AGFG1: variants seen among roughly 807,000 people sequenced by gnomAD.
AGFG1 encodes ArfGAP with FG repeats 1.
Under a neutral mutation model 60.6 loss-of-function variants are expected in AGFG1, and 10 were observed. The ratio of observed to expected loss-of-function variants is 0.16; its 90% CI spans 0.10 to 0.28. The LOEUF (loss-of-function observed/expected upper bound fraction) is 0.28. AGFG1 is among the 10% of genes least tolerant of loss of function. AGFG1 has a pLI of 1.00. For synonymous variants in AGFG1, 247 were observed against 242.9 expected (o/e 1.02, Z -0.16); for missense variants, 537 against 676.5 (o/e 0.79, Z 2.29).
At position 227,533,652 on chromosome 2, in the gene AGFG1, A is replaced by G. The variant is rs201339829; in HGVS notation, c.918A>G (p.Gln306=). 5 of 1,613,820 alleles carry G rather than the reference A, an allele frequency of 3.1e-6. No individual in the cohort carries two copies. The highest frequency in any genetic ancestry group is 2.2e-5 in the East Asian group (1 of 44,862). ...CCTTCAATACTTCCCAGAGTCATCAAACAGCATCAGCTGTTAGTAAAGTTT... is the reference window on the plus strand; with the variant it reads ...CCTTCAATACTTCCCAGAGTCATCAGACAGCATCAGCTGTTAGTAAAGTTT... ...FGTFNTSQSH[Q]TASAVSKVST... The change falls in exon 7 of 13, where the codon CAA becomes CAG. Residue 306 remains glutamine, a synonymous_variant. Coordinates refer to ENST00000310078, the MANE Select transcript of AGFG1 (RefSeq NM_004504.5).
At chr2:227,521,017 C>G (rs1575093934) in intron 3 of AGFG1, among the ~76,000 whole-genome samples, 1 of 152,154 alleles carries the variant, frequency 6.6e-6, no homozygotes, top group African/African-American at 2.4e-5. Flanking sequence ...CTCTGACTTG[C>G]ATGCTCTATC....
In AGFG1 at chr2:227,554,444, A is replaced by G; in HGVS notation, c.1638A>G (p.Ala546=). The part of the protein sequence containing the change: ...GVSSNPFMTG[A]PTGQFPTGSS... Reference sequence around the variant, plus strand: ...CTTATGTTTTCCTTTAGACTGGTGCACCAACAGGACAATTTCCAACAGGAA... The same window carrying G: ...CTTATGTTTTCCTTTAGACTGGTGCGCCAACAGGACAATTTCCAACAGGAA... Residue 546 remains alanine (A), a synonymous_variant, in exon 13 of 13, where the codon GCA becomes GCG. Coordinates refer to ENST00000310078, the MANE Select transcript of AGFG1 (RefSeq NM_004504.5). The G allele has an allele frequency of 6.2e-7, 1 of 1,613,510 alleles. No individual in the cohort carries two copies. The highest frequency in any genetic ancestry group is 1.1e-5 in the South Asian group (1 of 91,034).
chr2:227,487,536 C>T (rs80252209), intron 1 of AGFG1, among the ~76,000 whole-genome samples: 8 of 152,070 alleles, frequency 5.3e-5, no homozygotes, highest in African/African-American at 1.9e-4. Flanking sequence ...TGAAGTGTTT[C>T]TGATGTTTTC....
Position 227,559,894 on chromosome 2 carries a change from A to G in AGFG1, c.*5399A>G, listed in dbSNP as rs6732630. On this transcript the variant is annotated 3_prime_UTR_variant, in exon 13 of 13. Coordinates refer to ENST00000310078, the MANE Select transcript of AGFG1 (RefSeq NM_004504.5). ...TACAATCAGGTTTTTTAAAGACTTT[A>G]AAGGTTTTTTGTATGCTATAATATA... 1.7e-3 allele frequency: 253 copies of G among 152,260 alleles called. 1 individual carries two copies. The highest frequency in any genetic ancestry group is 6.8e-3 in the Middle Eastern group (2 of 294). 9.4% of individuals were successfully genotyped at this position (152,260 alleles called of 1,614,324 possible).
In AGFG1 at chr2:227,531,163, G is replaced by A. The variant is rs756362069; in HGVS notation, c.767G>A (p.Gly256Glu). 8.1e-6 allele frequency: 13 copies of A among 1,613,670 alleles called. No homozygotes were observed. In the South Asian group the frequency reaches 1.4e-4, roughly 18 times the overall value. Residue 256 changes from glycine (G) to glutamate (E), a missense_variant, in exon 6 of 13, where the codon GGA (glycine) becomes GAA (glutamate). Physicochemically the swap from Gly to Glu is moderately conservative, Grantham distance 98. Transcript: ENST00000310078. ...FGQSSGSSNF[G>E]GFPTASHSPF... ...CAGTCTAGTGGTTCGAGTAATTTTG[G>A]AGGTTTCCCCACAGCAAGTCACTCT...
chr2:227,512,121 T>G (rs1035569118), intron 2 of AGFG1, among the ~76,000 whole-genome samples: 1 of 152,210 alleles, frequency 6.6e-6, no homozygotes, highest in Non-Finnish European at 1.5e-5. Context: ...TGATACTACC[T>G]TACCTGTCCA....
intron 2 of AGFG1, among the ~76,000 whole-genome samples, chr2:227,499,653 A>G (rs1282220232): frequency 6.6e-6 from 1 of 150,830 alleles, no homozygotes; most frequent in Non-Finnish European, 1.5e-5. Context: ...AAAAAAAAAA[A>G]GGAAGAAAAA....
intron 5 of AGFG1, among the ~76,000 whole-genome samples, chr2:227,526,366 C>T (rs966730333): frequency 6.6e-6 from 1 of 151,942 alleles, no homozygotes; most frequent in African/African-American, 2.4e-5. Flanking sequence ...AAATTATATA[C>T]AAATGTAAAA....
chr2:227,504,936 A>G (rs1275066725), intron 2 of AGFG1, among the ~76,000 whole-genome samples: 2 of 152,178 alleles, frequency 1.3e-5, no homozygotes, highest in Non-Finnish European at 2.9e-5. Context: ...ATAAATGACA[A>G]TTATAGCTCT....
intron 5 of AGFG1, 26 bp from the exon 6 acceptor site, chr2:227,531,065 C>A: frequency 6.3e-7 from 1 of 1,589,492 alleles, no homozygotes; most frequent in South Asian, 1.2e-5. Context: ...TATTCATTAA[C>A]ATATGTTGTT....
At chr2:227,487,221 T>G (rs745705988) in intron 1 of AGFG1, among the ~76,000 whole-genome samples, 5 of 152,242 alleles carry the variant, frequency 3.3e-5, no homozygotes, top group African/African-American at 4.8e-5. Context: ...CTACTGCTAG[T>G]CACTTGGACT....
intron 4 of AGFG1, 82 bp from the exon 5 acceptor site, chr2:227,524,680 T>C: frequency 1.4e-6 from 2 of 1,401,094 alleles, no homozygotes; most frequent in Non-Finnish European, 2.0e-6. Context: ...TGTATAAGTG[T>C]GTTTTAAGTT....
chr2:227,505,821 C>T (rs914456522), intron 2 of AGFG1, among the ~76,000 whole-genome samples: 2 of 152,120 alleles, frequency 1.3e-5, no homozygotes, highest in South Asian at 4.1e-4. Context: ...TCAGTGCAAC[C>T]TCCGCCTCCC....
In AGFG1 at chr2:227,488,817, C is replaced by G. The variant is rs563767214; in HGVS notation, c.168-2730C>G. Among the ~76,000 whole-genome samples the G allele has an allele frequency of 5.3e-5, 8 of 151,936 alleles. No homozygotes were observed. The East Asian group carries it at 1.5e-3, about 29-fold the overall frequency. On this transcript the variant is annotated intron_variant, in intron 1 of 12. Transcript: ENST00000310078. ...ATTTTCACTTTTGGAAATTTATTTA[C>G]TTATTTATTTATTTATTTGAGAGTC...
At chr2:227,545,226 A>G (rs1315992980) in intron 10 of AGFG1, among the ~76,000 whole-genome samples, 1 of 151,904 alleles carries the variant, frequency 6.6e-6, no homozygotes, top group African/African-American at 2.4e-5. Flanking sequence ...AGTCACTGGT[A>G]CCCTTTCTTC....
intron 10 of AGFG1, among the ~76,000 whole-genome samples, chr2:227,538,673 A>G (rs1436386692): frequency 6.6e-6 from 1 of 152,236 alleles, no homozygotes; most frequent in African/African-American, 2.4e-5. Flanking sequence ...GTTACAGCAT[A>G]TGCTCAGTAA....
intron 2 of AGFG1, among the ~76,000 whole-genome samples, chr2:227,494,252 G>A (rs1463968179): frequency 1.3e-5 from 2 of 152,152 alleles, no homozygotes; most frequent in Admixed American, 1.3e-4. Flanking sequence ...TCACGTGCAA[G>A]TGTTCTATTA....
At chr2:227,480,895 C>A (rs1690438343) in intron 1 of AGFG1, among the ~76,000 whole-genome samples, 1 of 152,142 alleles carries the variant, frequency 6.6e-6, no homozygotes, top group Admixed American at 6.5e-5. Context: ...ATACTTTACC[C>A]TTGGAACTTT....
intron 10 of AGFG1, among the ~76,000 whole-genome samples, chr2:227,546,803 C>T (rs1392353905): frequency 6.6e-6 from 1 of 152,122 alleles, no homozygotes; most frequent in South Asian, 2.1e-4. Context: ...ATTTTTATAA[C>T]TCTTAGGTCT....
Sources: allele counts gnomAD v4.1 joint callset (sites outside exome capture counted in the v4.1 genomes callset), GRCh38; gene constraint gnomAD v4.1.1; transcripts MANE v1.5; gene names NCBI Gene and HGNC (gene_info 2026-07-23, HGNC 2026-07-21).